The following SGPL1 variants were observed in gnomAD, a reference collection of about 807,000 sequenced individuals.
SGPL1 encodes the protein SP-lyase 1.
In SGPL1, 37 loss-of-function variants were observed where a neutral mutation model predicts 68.9. The ratio of observed to expected loss-of-function variants is 0.54; its 90% CI spans 0.41 to 0.71. The LOEUF (loss-of-function observed/expected upper bound fraction) is 0.71. Among genes scored for constraint, SGPL1 ranks in the 30% least tolerant of loss-of-function variants. The pLI is 0.00. For missense variants in SGPL1, 551 were observed against 704.6 expected (o/e 0.78, Z 2.47); for synonymous variants, 236 against 248.5 (o/e 0.95, Z 0.47).
intron 2 of SGPL1, among the ~76,000 whole-genome samples, chr10:70,823,676 A>G (rs1346515424): frequency 6.7e-6 from 1 of 149,106 alleles, no homozygotes; most frequent in Non-Finnish European, 1.5e-5. Context: ...AGGAAACAAA[A>G]CAGTACATAT....
intron 2 of SGPL1, among the ~76,000 whole-genome samples, chr10:70,838,290 T>C (rs1304586253): frequency 6.6e-6 from 1 of 152,196 alleles, no homozygotes; most frequent in Admixed American, 6.5e-5. Context: ...AAGGAAAAAA[T>C]ATCACTGCCT....
intron 2 of SGPL1, among the ~76,000 whole-genome samples, chr10:70,829,976 G>A (rs80152332): frequency 0.049 from 7,402 of 152,188 alleles, 336 homozygotes; most frequent in Admixed American, 0.15. Context: ...TATACCTTTA[G>A]GCAAGTTATT....
At chr10:70,829,178 A>G (rs1285661659) in intron 2 of SGPL1, among the ~76,000 whole-genome samples, 1 of 152,226 alleles carries the variant, frequency 6.6e-6, no homozygotes, top group African/African-American at 2.4e-5. Flanking sequence ...ATCTGTAAAG[A>G]TAGTAGGTAA....
chr10:70,854,231 G>A (rs1845928074), intron 4 of SGPL1, among the ~76,000 whole-genome samples: 1 of 150,776 alleles, frequency 6.6e-6, no homozygotes, highest in South Asian at 2.1e-4. Context: ...ATGGAGTACA[G>A]TGGTGTGATC....
At chr10:70,834,665 A>G (rs573947912) in intron 2 of SGPL1, among the ~76,000 whole-genome samples, 1 of 152,334 alleles carries the variant, frequency 6.6e-6, no homozygotes, top group East Asian at 1.9e-4. Flanking sequence ...CCCTTGTAGG[A>G]TGCCGTTAGG....
At chr10:70,842,827 T>G (rs887517776) in intron 2 of SGPL1, among the ~76,000 whole-genome samples, 6 of 152,318 alleles carry the variant, frequency 3.9e-5, no homozygotes, top group Admixed American at 3.3e-4. Context: ...CGTCTCTGAT[T>G]TAAGTGTTCA....
Position 70,821,586 on chromosome 10 carries a change from G to C in SGPL1, c.27+4706G>C, listed in dbSNP as rs56041059. ...ACAATGCCTAGAGACATTTTGGGTT[G>C]TTACACCTGAAGGGTTCTGCTGGCA... On this transcript the variant is annotated intron_variant, in intron 2 of 14. Transcript: ENST00000373202. Among the ~76,000 whole-genome samples the C allele has an allele frequency of 3.1e-3, 477 of 152,280 alleles. 1 individual carries two copies. Among genetic ancestry groups the C allele is most frequent in the African/African-American group, 9.6e-3 (398 of 41,546 alleles).
chr10:70,834,370 C>G (rs1206293179), intron 2 of SGPL1, among the ~76,000 whole-genome samples: 1 of 152,166 alleles, frequency 6.6e-6, no homozygotes, highest in African/African-American at 2.4e-5. Context: ...GGCTGTGCCT[C>G]TAGTTTGAAA....
At chr10:70,854,584 A>G in intron 4 of SGPL1, 124 bp from the exon 5 acceptor site, 1 of 767,740 alleles carries the variant, frequency 1.3e-6, no homozygotes, top group Non-Finnish European at 2.1e-6. Flanking sequence ...TATCTTTAGG[A>G]AAAATGTTAG....
At chr10:70,845,588 C>T (rs1434794284) in intron 3 of SGPL1, among the ~76,000 whole-genome samples, 1 of 152,094 alleles carries the variant, frequency 6.6e-6, no homozygotes, top group Non-Finnish European at 1.5e-5. Flanking sequence ...GAATCTTCCA[C>T]CTTTGCTTAG....
intron 2 of SGPL1, among the ~76,000 whole-genome samples, chr10:70,832,534 A>G (rs1845559916): frequency 6.6e-6 from 1 of 152,178 alleles, no homozygotes; most frequent in Non-Finnish European, 1.5e-5. Flanking sequence ...CCCAATCGTG[A>G]TATGCTCAGA....
intron 11 of SGPL1, 105 bp from the exon 12 acceptor site, chr10:70,873,246 A>T: frequency 1.2e-6 from 1 of 863,080 alleles, no homozygotes; most frequent in East Asian, 2.4e-5. Context: ...ATAACAGAGA[A>T]ACTGAGAAAT....
chr10:70,868,870 G>A (rs990416624), intron 8 of SGPL1, among the ~76,000 whole-genome samples: 3 of 152,042 alleles, frequency 2.0e-5, no homozygotes, highest in Non-Finnish European at 4.4e-5. Context: ...TTAGTGTGAG[G>A]GCTGTTTTCT....
intron 7 of SGPL1, among the ~76,000 whole-genome samples, chr10:70,862,869 G>T (rs1237488936): frequency 6.6e-6 from 1 of 152,228 alleles, no homozygotes; most frequent in Non-Finnish European, 1.5e-5. Context: ...CTTCATTCTT[G>T]AAGTCAGTGA....
rs530218196 is a variant in SGPL1, at chr10:70,831,542, A to T, written c.28-12931A>T. ...CTCAGGGAAACATTTACTTAGGTTT[A>T]CAGGTTTATTTTAAGGGATACTGCA... On this transcript the variant is annotated intron_variant, in intron 2 of 14. Coordinates refer to ENST00000373202, the MANE Select transcript of SGPL1 (RefSeq NM_003901.4). Among the ~76,000 whole-genome samples, 12 of 152,324 alleles carry T rather than the reference A, an allele frequency of 7.9e-5. No individual in the cohort carries two copies. In the East Asian group the frequency reaches 2.1e-3, roughly 27 times the overall value.
chr10:70,844,764 G>A (rs550936235), intron 3 of SGPL1, 126 bp downstream of exon 3: 23 of 881,598 alleles, frequency 2.6e-5, no homozygotes, highest in East Asian at 1.0e-4. Context: ...TTTTTGAGAC[G>A]GAGTCTCCAT....
chr10:70,864,161 C>G (rs980939401), intron 7 of SGPL1, among the ~76,000 whole-genome samples: 1 of 151,904 alleles, frequency 6.6e-6, no homozygotes, highest in Non-Finnish European at 1.5e-5. Context: ...AATAGAAGTT[C>G]CATAATTGTT....
chr10:70,818,357 T>G (rs1845276978), intron 2 of SGPL1, among the ~76,000 whole-genome samples: 1 of 152,218 alleles, frequency 6.6e-6, no homozygotes, highest in South Asian at 2.1e-4. Context: ...TAACCTCAGG[T>G]GATCCACCTG....
In SGPL1 at chr10:70,871,853, A is replaced by G; in HGVS notation, c.926A>G (p.Lys309Arg). ...PEVAKLAVKY[K>R]IPLHVDACLG... is the part of the protein sequence containing the mutation. Reference sequence around the variant, plus strand: ...TGGAACAAGCTGGCTGTCAAATACAAAATACCCCTTCATGTCGACGCTTGT... The same window carrying G: ...TGGAACAAGCTGGCTGTCAAATACAGAATACCCCTTCATGTCGACGCTTGT... Residue 309 changes from lysine (K) to arginine (R), a missense_variant, in exon 11 of 15, where the codon AAA becomes AGA. Coordinates refer to ENST00000373202, the MANE Select transcript of SGPL1 (RefSeq NM_003901.4). 6.2e-7 allele frequency: 1 copy of G among 1,613,890 alleles called. No individual in the cohort carries two copies. The highest frequency in any genetic ancestry group is 8.5e-7 in the Non-Finnish European group (1 of 1,179,960).
Sources: allele counts gnomAD v4.1 joint callset (sites outside exome capture counted in the v4.1 genomes callset), GRCh38; gene constraint gnomAD v4.1.1; transcripts MANE v1.5; gene names NCBI Gene and HGNC (gene_info 2026-07-23, HGNC 2026-07-21).